FNIP1: variants seen among roughly 807,000 people sequenced by gnomAD.
FNIP1 encodes folliculin-interacting protein 1.
Under a neutral mutation model 124.5 loss-of-function variants are expected in FNIP1, and 40 were observed. The observed-to-expected ratio is 0.32, with a 90% CI of 0.25 to 0.42. FNIP1 has a LOEUF of 0.42. Ranked by LOEUF, FNIP1 falls within the 10% of genes least tolerant of loss-of-function variation. FNIP1 has a pLI of 1.00. For synonymous variants in FNIP1, 472 were observed against 470.6 expected (o/e 1.00, Z -0.04); for missense variants, 1,176 against 1,403.7 (o/e 0.84, Z 2.59).
chr5:131,659,522 C>T lies in FNIP1; in HGVS notation c.3109-7523G>A, dbSNP rs535435069. ...TTCCCGCTCGGCCATGGTGGTAAAG[C>T]TGTAGCTGTGCTCGGTGAGGATCTT... On this transcript the variant is annotated intron_variant, in intron 15 of 17. Coordinates refer to ENST00000510461, the MANE Select transcript of FNIP1 (RefSeq NM_133372.3). Among the ~76,000 whole-genome samples the T allele has an allele frequency of 1.3e-3, 200 of 152,328 alleles. 1 individual carries two copies. The highest frequency in any genetic ancestry group is 1.3e-3 in the Admixed American group (20 of 15,306).
At chr5:131,736,363 T>A (rs1278475853) in intron 2 of FNIP1, among the ~76,000 whole-genome samples, 1 of 152,206 alleles carries the variant, frequency 6.6e-6, no homozygotes, top group Non-Finnish European at 1.5e-5. Flanking sequence ...TCACCAAGGT[T>A]ACAAGAGCTA....
At chr5:131,790,450 G>A (rs574470196) in intron 1 of FNIP1, among the ~76,000 whole-genome samples, 24 of 131,580 alleles carry the variant, frequency 1.8e-4, no homozygotes, top group South Asian at 7.2e-4. Flanking sequence ...CCGCTCTCCC[G>A]CCTGGGCGAT....
chr5:131,710,995 C>A (rs1459307140), intron 6 of FNIP1, among the ~76,000 whole-genome samples: 1 of 152,028 alleles, frequency 6.6e-6, no homozygotes, highest in Non-Finnish European at 1.5e-5. Flanking sequence ...TGAAAAAGTA[C>A]GATAATGTTA....
At chr5:131,710,043 A>G (rs531471730) in intron 7 of FNIP1, among the ~76,000 whole-genome samples, 2 of 152,350 alleles carry the variant, frequency 1.3e-5, no homozygotes, top group Admixed American at 6.5e-5. Context: ...ACAATCATCA[A>G]CTTGATTATG....
intron 11 of FNIP1, among the ~76,000 whole-genome samples, chr5:131,690,617 C>T (rs957558087): frequency 4.6e-5 from 7 of 152,186 alleles, no homozygotes; most frequent in African/African-American, 1.4e-4. Flanking sequence ...GAGGCCTCCA[C>T]AGCCATGCTG....
chr5:131,689,942 C>T (rs1011819659), intron 11 of FNIP1, among the ~76,000 whole-genome samples: 2 of 152,028 alleles, frequency 1.3e-5, no homozygotes, highest in Admixed American at 6.6e-5. Context: ...GTATAGAAGC[C>T]GGGTGCAGTG....
At chr5:131,789,948 A>C (rs1165048063) in intron 1 of FNIP1, among the ~76,000 whole-genome samples, 1 of 152,194 alleles carries the variant, frequency 6.6e-6, no homozygotes, top group Admixed American at 6.5e-5. Context: ...CTGCAATCCC[A>C]ATCTCTACTG....
At chr5:131,747,565 C>A (rs1052374121) in intron 1 of FNIP1, among the ~76,000 whole-genome samples, 1 of 151,986 alleles carries the variant, frequency 6.6e-6, no homozygotes, top group South Asian at 2.1e-4. Context: ...AGGGGTCTCA[C>A]GGAAACCAGT....
At chr5:131,688,791 C>A (rs1768374482) in intron 11 of FNIP1, among the ~76,000 whole-genome samples, 1 of 147,796 alleles carries the variant, frequency 6.8e-6, no homozygotes, top group South Asian at 2.1e-4. Context: ...AATCAATGAA[C>A]TTGAAGGTAT....
At chr5:131,645,871 A>C (rs1766866048) in intron 17 of FNIP1, among the ~76,000 whole-genome samples, 1 of 152,226 alleles carries the variant, frequency 6.6e-6, no homozygotes, top group Non-Finnish European at 1.5e-5. Flanking sequence ...GTACAAGGAC[A>C]CAAGAGTATA....
chr5:131,753,637 T>C (rs1036166499), intron 1 of FNIP1, among the ~76,000 whole-genome samples: 1 of 152,220 alleles, frequency 6.6e-6, no homozygotes, highest in African/African-American at 2.4e-5. Flanking sequence ...TCCAGAGTGA[T>C]CAAAATGTCC....
rs542884248 is a variant in FNIP1 at position 131,719,165 on chromosome 5, T to C, written c.456-105A>G. The C allele has an allele frequency of 7.5e-6, 9 of 1,198,540 alleles. No homozygotes were observed. In the South Asian group the frequency reaches 1.2e-4, roughly 16 times the overall value. The allele number at this position is 1,198,540 out of a possible 1,614,324, so 74.2% of individuals were successfully genotyped here. ...AGTCACAGAGGTTTCACAGCATAGC[T>C]GCAAGAGCCATGAAGTAGCATTAAA... On this transcript the variant is annotated intron_variant, in intron 4 of 17. Transcript: ENST00000510461.
At chr5:131,782,926 G>A (rs374702104) in intron 1 of FNIP1, among the ~76,000 whole-genome samples, 4 of 152,336 alleles carry the variant, frequency 2.6e-5, no homozygotes, top group Admixed American at 6.5e-5. Flanking sequence ...GCCTCCCGAC[G>A]TGCTGGGATT....
At chr5:131,753,885 C>G (rs1012918291) in intron 1 of FNIP1, among the ~76,000 whole-genome samples, 3 of 151,812 alleles carry the variant, frequency 2.0e-5, no homozygotes, top group African/African-American at 7.3e-5. Flanking sequence ...ACAATCTCAG[C>G]TCACTGAAAC....
rs115572179 is a variant in FNIP1 at position 131,780,134 on chromosome 5, C to T, written c.92+16696G>A. Reference sequence around the variant, plus strand: ...ACACATTCAAAGCCCACTAAAATGACAGTAAATGAAATATATGTATGTATC... The same window carrying T: ...ACACATTCAAAGCCCACTAAAATGATAGTAAATGAAATATATGTATGTATC... On this transcript the variant is annotated intron_variant, in intron 1 of 17. Coordinates refer to ENST00000510461, the MANE Select transcript of FNIP1 (RefSeq NM_133372.3). Among the ~76,000 whole-genome samples, 858 of 152,096 alleles carry T rather than the reference C, an allele frequency of 5.6e-3. 6 individuals carry two copies. Among genetic ancestry groups the T allele is most frequent in the Non-Finnish European group, 8.7e-3 (591 of 67,986 alleles).
intron 1 of FNIP1, among the ~76,000 whole-genome samples, chr5:131,751,738 G>A (rs1029934182): frequency 6.6e-6 from 1 of 152,140 alleles, no homozygotes; most frequent in Non-Finnish European, 1.5e-5. Context: ...ATTAGGTTAA[G>A]GAAAAAAAGC....
chr5:131,717,763 T>C (rs2149541327), intron 5 of FNIP1, among the ~76,000 whole-genome samples: 1 of 152,350 alleles, frequency 6.6e-6, no homozygotes, highest in East Asian at 1.9e-4. Context: ...CTGGTGATTA[T>C]GGCTAACATC....
chr5:131,719,048 C>A lies in FNIP1; in HGVS notation c.468G>T (p.Gln156His). The A allele has an allele frequency of 6.2e-7, 1 of 1,613,534 alleles. No individual in the cohort carries two copies. The highest frequency in any genetic ancestry group is 8.5e-7 in the Non-Finnish European group (1 of 1,179,662). Residue 156 changes from glutamine (Q) to histidine (H), a missense_variant, in exon 5 of 18, where the codon CAG (glutamine) becomes CAT (histidine). Physicochemically the swap from Gln to His is conservative, Grantham distance 24. This residue lies in a region of FNIP1 where 1,109 missense variants were observed against 1,288.5 expected (regional missense o/e 0.86). Transcript: ENST00000510461. ...CAGTAAACACTTTGCTGAGCATGAG[C>A]TGTGGAGGGGAACTATGAAGAAAAA... ...LKIHQIRSPP[Q>H]LMLSKVFTAR... is the part of the protein sequence containing the mutation.
chr5:131,684,942 A>C (rs1477480832), intron 11 of FNIP1, among the ~76,000 whole-genome samples: 4 of 152,226 alleles, frequency 2.6e-5, no homozygotes, highest in East Asian at 1.9e-4. Context: ...AAGAATCCTG[A>C]AGGATTCTTT....
Sources: allele counts gnomAD v4.1 joint callset (sites outside exome capture counted in the v4.1 genomes callset), GRCh38; gene constraint gnomAD v4.1.1; regional missense constraint gnomAD v4.1.1; transcripts MANE v1.5; gene names NCBI Gene and HGNC (gene_info 2026-07-23, HGNC 2026-07-21).